Variants in GPC5 observed in about 807,000 individuals in gnomAD.
GPC5 encodes glypican-5.
GPC5 carries 47 observed loss-of-function variants against 53.9 expected under a neutral mutation model. The ratio of observed to expected loss-of-function variants is 0.87; its 90% CI spans 0.69 to 1.11. The LOEUF is 1.11. Ranked by LOEUF, GPC5 falls within the 50% of genes most tolerant of loss-of-function variation. The pLI, the probability that GPC5 is intolerant of heterozygous loss-of-function variation, is 0.00. For missense variants in GPC5, 748 were observed against 713.1 expected, an observed-to-expected ratio of 1.05 and a Z score of -0.56; for synonymous variants, 286 against 263.3, an observed-to-expected ratio of 1.09 and a Z score of -0.84.
At chr13:91,754,945 G>A (rs79779419) in intron 4 of GPC5, among the ~76,000 whole-genome samples, 3,891 of 152,070 alleles carry the variant, frequency 0.026, 172 homozygotes, top group African/African-American at 0.088. Flanking sequence ...CTAAAAACTC[G>A]TTTAAATACC....
intron 7 of GPC5, among the ~76,000 whole-genome samples, chr13:92,472,205 T>C (rs1878940759): frequency 2.6e-5 from 4 of 152,112 alleles, no homozygotes; most frequent in Non-Finnish European, 5.9e-5. Flanking sequence ...TTTAGATTTT[T>C]CACCCTTAAA....
At chr13:92,446,098 AATTAT>A (rs1254662430) in intron 7 of GPC5, among the ~76,000 whole-genome samples, 1 of 152,086 alleles carries the variant, frequency 6.6e-6, no homozygotes, top group Non-Finnish European at 1.5e-5. Flanking sequence ...GTTACAAACC[AATTAT>A]ATTCTTTTAG....
rs1268656548 is a variant in GPC5, at chr13:92,296,656, G to GGT, written c.1561+151668_1561+151669dup. ...AGCCCACTCCCTCAGCTTGCAGGGA[G>GGT]GTATGGAGGGAGAGGCGCGAGCGGG... On this transcript the variant is annotated intron_variant, in intron 7 of 7. Transcript: ENST00000377067. Among the ~76,000 whole-genome samples, 29 of 152,280 alleles carry GGT rather than the reference G, an allele frequency of 1.9e-4. 1 individual carries two copies. Among genetic ancestry groups the GGT allele is most frequent in the Non-Finnish European group, 1.2e-4 (8 of 68,014 alleles).
Position 91,686,007 on chromosome 13 carries a change from A to C in GPC5, c.326-7180A>C, listed in dbSNP as rs148570119. ...TGGTTTACTTGTTCTGTATAAAAAC[A>C]TAAAGTTGTGAGTAAGAAACTCTTC... On this transcript the variant is annotated intron_variant, in intron 2 of 7. Transcript: ENST00000377067. 1.1e-4 allele frequency among the ~76,000 whole-genome samples: 17 copies of C among 151,972 alleles called. No individual in the cohort carries two copies. In the East Asian group the frequency reaches 3.3e-3, roughly 29 times the overall value.
At chr13:92,288,840 A>G (rs1008197790) in intron 7 of GPC5, among the ~76,000 whole-genome samples, 1 of 152,132 alleles carries the variant, frequency 6.6e-6, no homozygotes, top group Non-Finnish European at 1.5e-5. Context: ...GCCCTTGATA[A>G]CAGTTTCCCA....
chr13:91,447,789 C>T (rs1433198381), intron 1 of GPC5, among the ~76,000 whole-genome samples: 1 of 152,034 alleles, frequency 6.6e-6, no homozygotes, highest in East Asian at 1.9e-4. Context: ...GGCCACAATT[C>T]TTCTTGTTAT....
chr13:91,441,661 A>G (rs536099534), intron 1 of GPC5, among the ~76,000 whole-genome samples: 3 of 152,348 alleles, frequency 2.0e-5, no homozygotes, highest in Non-Finnish European at 2.9e-5. Flanking sequence ...ATTGTTCTAT[A>G]TTAATGGTCT....
intron 2 of GPC5, among the ~76,000 whole-genome samples, chr13:91,509,420 T>TTTTTTTTTTTTTTTTTTTTTTTTG (rs1555316907): frequency 6.8e-6 from 1 of 146,036 alleles, no homozygotes; most frequent in African/African-American, 2.4e-5. Flanking sequence ...ATTCATATTT[T>TTTTTTTTTTTTTTTTTTTTTTTTG]AAGGATCAAA....
chr13:91,432,607 T>C lies in GPC5; in HGVS notation c.164-16154T>C, dbSNP rs7987834. ...TTTGTCGGTTGCCAAGTGTTACTTA[T>C]TTTTATTGAATCCAGAACAATAAAA... is the stretch of plus-strand genomic sequence containing the variant. On this transcript the variant is annotated intron_variant, in intron 1 of 7. Coordinates refer to ENST00000377067, the MANE Select transcript of GPC5 (RefSeq NM_004466.6). Among the ~76,000 whole-genome samples the C allele has an allele frequency of 5.2e-3, 785 of 152,294 alleles. 4 individuals carry two copies. Among genetic ancestry groups the C allele is most frequent in the African/African-American group, 0.018 (730 of 41,566 alleles).
intron 6 of GPC5, among the ~76,000 whole-genome samples, chr13:91,969,980 A>G (rs2040225685): frequency 1.3e-5 from 2 of 152,216 alleles, no homozygotes; most frequent in South Asian, 2.1e-4. Context: ...TTGTTTTTGC[A>G]GCATTATTCC....
intron 5 of GPC5, among the ~76,000 whole-genome samples, chr13:91,817,891 T>C (rs1190258753): frequency 1.3e-5 from 2 of 152,176 alleles, no homozygotes; most frequent in Non-Finnish European, 2.9e-5. Context: ...ATGTAAACTG[T>C]TCATGTATTT....
chr13:92,445,293 G>GTTTTTT (rs547006896), intron 7 of GPC5, among the ~76,000 whole-genome samples: 1 of 130,622 alleles, frequency 7.7e-6, no homozygotes, highest in Non-Finnish European at 1.6e-5. Flanking sequence ...CTCTTTTTGT[G>GTTTTTT]ATTTTTTTTG....
intron 7 of GPC5, among the ~76,000 whole-genome samples, chr13:92,645,877 C>T (rs539542182): frequency 6.6e-6 from 1 of 151,736 alleles, no homozygotes; most frequent in South Asian, 2.1e-4. Context: ...AATTGTTTGG[C>T]TTCTTAATAT....
intron 7 of GPC5, among the ~76,000 whole-genome samples, chr13:92,554,037 T>G (rs1436416213): frequency 6.6e-6 from 1 of 151,976 alleles, no homozygotes; most frequent in Non-Finnish European, 1.5e-5. Context: ...ATTCATATAC[T>G]TATGCATACA....
At chr13:92,308,014 C>T (rs1285810434) in intron 7 of GPC5, among the ~76,000 whole-genome samples, 1 of 152,114 alleles carries the variant, frequency 6.6e-6, no homozygotes, top group African/African-American at 2.4e-5. Flanking sequence ...GATTAAGTCT[C>T]TTATTGAATT....
At chr13:91,627,319 C>T (rs189647949) in intron 2 of GPC5, among the ~76,000 whole-genome samples, 1,092 of 2,932 alleles carry the variant, frequency 0.37, 511 homozygotes, top group Admixed American at 0.56. Flanking sequence ...CGTGAGCCAC[C>T]GCGCCCGGCC....
At chr13:92,842,085 A>G (rs962030328) in intron 7 of GPC5, among the ~76,000 whole-genome samples, 1 of 152,148 alleles carries the variant, frequency 6.6e-6, no homozygotes, top group Admixed American at 6.5e-5. Flanking sequence ...TGCCTAGATT[A>G]TTATTAATAT....
intron 1 of GPC5, among the ~76,000 whole-genome samples, chr13:91,431,443 A>G (rs930321668): frequency 1.3e-5 from 2 of 152,222 alleles, no homozygotes; most frequent in Non-Finnish European, 2.9e-5. Context: ...TGGGTCTCAG[A>G]AAATAATTAA....
intron 6 of GPC5, among the ~76,000 whole-genome samples, chr13:92,097,908 T>C (rs997468872): frequency 5.9e-5 from 9 of 152,358 alleles, no homozygotes; most frequent in Admixed American, 3.9e-4. Context: ...CAGAGGATTA[T>C]TCTCAGATTG....
Sources: gnomAD v4.1 joint callset for allele counts (sites outside exome capture counted in the v4.1 genomes callset) on GRCh38, gnomAD v4.1.1 for gene constraint, MANE v1.5 for transcripts, NCBI Gene and HGNC (gene_info 2026-07-23, HGNC 2026-07-21) for gene names.